Variants in FRMPD4 observed in about 807,000 individuals in gnomAD.
The protein encoded by FRMPD4 is FERM and PDZ domain containing 4.
FRMPD4 carries 22 observed loss-of-function variants against 94.1 expected under a neutral mutation model. The ratio of observed to expected loss-of-function variants is 0.23; its 90% CI spans 0.17 to 0.33. The LOEUF (loss-of-function observed/expected upper bound fraction) is 0.33. Among genes scored for constraint, FRMPD4 ranks in the 10% least tolerant of loss-of-function variants. The probability of loss-of-function intolerance (pLI) is 1.00; values close to 1 mark genes in which losing one functional copy is unlikely to be tolerated. For synonymous variants in FRMPD4, 631 were observed against 548.6 expected (o/e 1.15, Z -2.10); for missense variants, 1,111 against 1,339.9 (o/e 0.83, Z 2.67).
intron 1 of FRMPD4, among the ~76,000 whole-genome samples, chrX:11,842,193 C>G (rs2053541446): frequency 1.9e-5 from 2 of 103,868 alleles, no homozygotes; most frequent in African/African-American, 7.5e-5. Flanking sequence ...ATGCCTCCAG[C>G]TTTGTTCTTT....
chrX:12,702,501 A>G (rs1192410677), intron 10 of FRMPD4, among the ~76,000 whole-genome samples: 2 of 111,940 alleles, frequency 1.8e-5, no homozygotes, highest in African/African-American at 3.3e-5. Flanking sequence ...GTGTTTGGAA[A>G]CACATGTAAT....
intron 1 of FRMPD4, among the ~76,000 whole-genome samples, chrX:12,358,596 GT>G (rs1355568850): frequency 9.0e-6 from 1 of 111,449 alleles, no homozygotes; most frequent in Non-Finnish European, 1.9e-5. Flanking sequence ...TTCTTAAGGT[GT>G]TTTTTACCCT....
chrX:12,604,442 G>A (rs947023651), intron 2 of FRMPD4, among the ~76,000 whole-genome samples: 2 of 112,142 alleles, frequency 1.8e-5, no homozygotes, highest in Non-Finnish European at 3.8e-5. Flanking sequence ...ATGTATGTTT[G>A]TATTTATTGT....
intron 1 of FRMPD4, among the ~76,000 whole-genome samples, chrX:12,178,748 G>A (rs757861457): frequency 1.4e-4 from 16 of 111,818 alleles, no homozygotes; most frequent in African/African-American, 5.2e-4. Context: ...GGTTGGAGAA[G>A]CATTTGCAAG....
chrX:12,031,384 G>T (rs2054690703), intron 3 of FRMPD4, among the ~76,000 whole-genome samples: 1 of 112,396 alleles, frequency 8.9e-6, no homozygotes, highest in South Asian at 3.7e-4. Context: ...CAGAACAAAA[G>T]CTCAAAACAT....
intron 1 of FRMPD4, among the ~76,000 whole-genome samples, chrX:12,350,933 T>C (rs1484156620): frequency 8.9e-6 from 1 of 112,235 alleles, no homozygotes; most frequent in Non-Finnish European, 1.9e-5. Flanking sequence ...CCCAACACTT[T>C]GGGAGGCCAA....
At chrX:12,087,499 T>C (rs1687263357) in intron 3 of FRMPD4, among the ~76,000 whole-genome samples, 1 of 111,841 alleles carries the variant, frequency 8.9e-6, no homozygotes, top group Non-Finnish European at 1.9e-5. Flanking sequence ...GACAGGTCTG[T>C]TTACCCAAGC....
At chrX:11,832,151 A>G (rs141155981) in intron 1 of FRMPD4, among the ~76,000 whole-genome samples, 2,466 of 111,211 alleles carry the variant, frequency 0.022, 62 homozygotes, top group African/African-American at 0.077. Context: ...CTGTTACGTT[A>G]TTGCTGATCC....
chrX:12,129,476 T>C (rs923143889), intron 3 of FRMPD4, among the ~76,000 whole-genome samples: 3 of 111,862 alleles, frequency 2.7e-5, no homozygotes, highest in Admixed American at 1.9e-4. Flanking sequence ...CACAGGATTA[T>C]GATAACTACA....
chrX:12,266,764 T>C (rs2054283039), intron 1 of FRMPD4, among the ~76,000 whole-genome samples: 1 of 111,856 alleles, frequency 8.9e-6, no homozygotes, highest in Non-Finnish European at 1.9e-5. Context: ...TTCTTTCCCC[T>C]GGAAATAATA....
At chrX:11,857,122 G>A (rs1488722864) in intron 1 of FRMPD4, among the ~76,000 whole-genome samples, 1 of 111,733 alleles carries the variant, frequency 8.9e-6, no homozygotes, top group Admixed American at 9.5e-5. Context: ...TTTTTAAATG[G>A]CCATACTGTC....
rs779757378 is a variant in FRMPD4, at chrX:12,338,804, C to T, written c.42-159876C>T. ...ACAGAGGTTTCCAGAGGTGAAGCAA[C>T]TTGCACCAGGGCAAATGTCCACATG... On this transcript the variant is annotated intron_variant, in intron 1 of 16. Coordinates refer to ENST00000675598, the MANE Select transcript of FRMPD4 (RefSeq NM_001368397.1). Among the ~76,000 whole-genome samples, 53 of 112,369 alleles carry T rather than the reference C, an allele frequency of 4.7e-4. No individual in the cohort carries two copies. The South Asian group carries it at 5.9e-3, about 13-fold the overall frequency.
intron 1 of FRMPD4, among the ~76,000 whole-genome samples, chrX:12,316,699 G>C (rs893674285): frequency 1.8e-5 from 2 of 109,892 alleles, no homozygotes; most frequent in Non-Finnish European, 3.8e-5. Context: ...TCCACTACTA[G>C]GTGTGCTTTC....
chrX:12,193,840 A>AG (rs2056533410), intron 1 of FRMPD4, among the ~76,000 whole-genome samples: 2 of 79,529 alleles, frequency 2.5e-5, no homozygotes, highest in African/African-American at 1.0e-4. Context: ...GGAAGGAAGA[A>AG]AGAAAAGAAA....
intron 1 of FRMPD4, among the ~76,000 whole-genome samples, chrX:12,371,791 G>T (rs182381222): frequency 1.8e-5 from 2 of 111,359 alleles, no homozygotes; most frequent in Admixed American, 1.9e-4. Flanking sequence ...AAAAATACAG[G>T]ACGCACAGTT....
At chrX:12,077,582 G>T (rs979829502) in intron 3 of FRMPD4, among the ~76,000 whole-genome samples, 1 of 111,730 alleles carries the variant, frequency 9.0e-6, no homozygotes, top group Non-Finnish European at 1.9e-5. Flanking sequence ...CACCCACTTA[G>T]GGCTGACCTG....
chrX:12,711,160 A>T (rs2041978744), intron 14 of FRMPD4, among the ~76,000 whole-genome samples: 2 of 111,395 alleles, frequency 1.8e-5, no homozygotes, highest in African/African-American at 6.5e-5. Flanking sequence ...TACAGAGGTC[A>T]GGGCCAGAGG....
intron 1 of FRMPD4, among the ~76,000 whole-genome samples, chrX:12,444,060 T>C (rs1297304460): frequency 9.0e-6 from 1 of 111,337 alleles, no homozygotes; most frequent in Admixed American, 9.6e-5. Context: ...GACAGCATAG[T>C]ATAGAACACA....
In FRMPD4 at chrX:12,616,216, G is replaced by A. The variant is rs749847586; in HGVS notation, c.422+1335G>A. Among the ~76,000 whole-genome samples the A allele has an allele frequency of 1.1e-4, 12 of 111,028 alleles. No individual in the cohort carries two copies. In the South Asian group the frequency reaches 3.5e-3, roughly 32 times the overall value. ...GATTAAGTCATGAGGTCTCTGCATC[G>A]TGAATGGGATTAGTATCCTTATAAA... On this transcript the variant is annotated intron_variant, in intron 4 of 16. Transcript: ENST00000675598.
Sources: allele counts gnomAD v4.1 joint callset (sites outside exome capture counted in the v4.1 genomes callset), GRCh38; gene constraint gnomAD v4.1.1; transcripts MANE v1.5; gene names NCBI Gene and HGNC (gene_info 2026-07-23, HGNC 2026-07-21).